The following CACNA1C variants were observed in gnomAD, a reference collection of about 807,000 sequenced individuals.
CACNA1C encodes calcium voltage-gated channel subunit alpha1 C.
A neutral mutation model predicts 229.0 loss-of-function variants in CACNA1C; 30 were observed. The ratio of observed to expected loss-of-function variants is 0.13; its 90% CI spans 0.10 to 0.18. CACNA1C has a LOEUF of 0.18. CACNA1C is among the 10% of genes least tolerant of loss of function. The pLI, the probability that CACNA1C is intolerant of heterozygous loss-of-function variation, is 1.00. For missense variants in CACNA1C, 1,658 were observed against 2,845.0 expected, an observed-to-expected ratio of 0.58 and a Z score of 9.49; for synonymous variants, 1,114 against 1,132.5, an observed-to-expected ratio of 0.98 and a Z score of 0.33.
intron 3 of CACNA1C, among the ~76,000 whole-genome samples, chr12:2,299,868 A>T (rs1269306764): frequency 6.6e-6 from 1 of 152,206 alleles, no homozygotes; most frequent in Non-Finnish European, 1.5e-5. Flanking sequence ...CATCATTTGT[A>T]AAATGAGAGC....
At chr12:2,552,356 G>C (rs939217651) in intron 10 of CACNA1C, among the ~76,000 whole-genome samples, 2 of 152,216 alleles carry the variant, frequency 1.3e-5, no homozygotes, top group Non-Finnish European at 2.9e-5. Context: ...GGAAAAGTAA[G>C]TGTAAAGTCG....
At chr12:2,045,091 T>C (rs2050831007) in intron 1 of CACNA1C, among the ~76,000 whole-genome samples, 1 of 152,162 alleles carries the variant, frequency 6.6e-6, no homozygotes, top group South Asian at 2.1e-4. Flanking sequence ...TGCCAAGAGT[T>C]ATATTAGTAG....
chr12:2,128,751 A>G (rs1444700421), intron 3 of CACNA1C, among the ~76,000 whole-genome samples: 1 of 152,212 alleles, frequency 6.6e-6, no homozygotes, highest in African/African-American at 2.4e-5. Context: ...AGCCTCTAAC[A>G]CAACAGCAAC....
intron 5 of CACNA1C, among the ~76,000 whole-genome samples, chr12:2,463,759 G>T (rs2099531625): frequency 6.6e-6 from 1 of 152,170 alleles, no homozygotes; most frequent in South Asian, 2.1e-4. Flanking sequence ...AATCAGATTG[G>T]CTCTTCCAAT....
At chr12:2,620,776 C>T (rs1344217678) in intron 29 of CACNA1C, among the ~76,000 whole-genome samples, 2 of 152,208 alleles carry the variant, frequency 1.3e-5, no homozygotes, top group Admixed American at 6.5e-5. Flanking sequence ...GGAAGACTTA[C>T]ACATTGGGGA....
rs911627263 is a variant in CACNA1C at position 2,403,767 on chromosome 12, CAG to C, written c.478-45208_478-45207del. ...CCAGGTAGACGTCTGCCACATCACTCAGGGGCTGCGTGGAGCACTCGGTGCCT... is the reference window on the plus strand; with the variant it reads ...CCAGGTAGACGTCTGCCACATCACTCGGGCTGCGTGGAGCACTCGGTGCCT... On this transcript the variant is annotated intron_variant, in intron 3 of 46. Coordinates refer to ENST00000399655, the MANE Select transcript of CACNA1C (RefSeq NM_000719.7). This position sits in a 1 kb window ranked among gnomAD's most constrained non-coding sequence, Gnocchi z 4.1. Among the ~76,000 whole-genome samples, 2 of 152,178 alleles carry C rather than the reference CAG, an allele frequency of 1.3e-5. No homozygotes were observed. Among genetic ancestry groups the C allele is most frequent in the Admixed American group, 6.5e-5 (1 of 15,286 alleles).
intron 3 of CACNA1C, among the ~76,000 whole-genome samples, chr12:2,204,971 C>CAA (rs1001449430): frequency 7.4e-5 from 11 of 148,522 alleles, no homozygotes; most frequent in Admixed American, 2.7e-4. Context: ...AAAACAAAAA[C>CAA]AAAAAAAAAA....
chr12:2,206,419 T>C (rs551962913), intron 3 of CACNA1C, among the ~76,000 whole-genome samples: 2 of 152,310 alleles, frequency 1.3e-5, no homozygotes, highest in Admixed American at 1.3e-4. Context: ...AGCTTGGGCT[T>C]TGGAATGGAA....
chr12:2,483,811 C>T (rs966771141), intron 5 of CACNA1C, among the ~76,000 whole-genome samples: 4 of 152,144 alleles, frequency 2.6e-5, no homozygotes, highest in Non-Finnish European at 5.9e-5. Context: ...TGCTTTCACT[C>T]CACTTGGCCT....
chr12:2,261,297 T>G (rs2080110253), intron 3 of CACNA1C, among the ~76,000 whole-genome samples: 1 of 152,152 alleles, frequency 6.6e-6, no homozygotes, highest in East Asian at 1.9e-4. Flanking sequence ...ATATTGTTTC[T>G]GAAAAATAAT....
At chr12:2,364,287 A>G (rs1011240305) in intron 3 of CACNA1C, among the ~76,000 whole-genome samples, 1 of 152,184 alleles carries the variant, frequency 6.6e-6, no homozygotes, top group African/African-American at 2.4e-5. Context: ...GGAAAATGCA[A>G]TTTTTACAGG....
chr12:2,149,373 C>T (rs1042791607), intron 3 of CACNA1C, among the ~76,000 whole-genome samples: 1 of 152,114 alleles, frequency 6.6e-6, no homozygotes, highest in African/African-American at 2.4e-5. Flanking sequence ...GGAAATGTCA[C>T]GGTCTTTTCT....
intron 29 of CACNA1C, among the ~76,000 whole-genome samples, chr12:2,624,920 C>T (rs555864855): frequency 1.3e-5 from 2 of 152,246 alleles, no homozygotes; most frequent in Non-Finnish European, 2.9e-5. Flanking sequence ...AATGCGGCAA[C>T]TCTTGCCCCA....
chr12:2,391,150 G>C (rs1041912944), intron 3 of CACNA1C, among the ~76,000 whole-genome samples: 19 of 152,280 alleles, frequency 1.2e-4, no homozygotes, highest in Non-Finnish European at 1.5e-4. Flanking sequence ...AAGAAGATGG[G>C]GTTTCCCTTC....
chr12:2,297,678 AG>A (rs1197018830), intron 3 of CACNA1C, among the ~76,000 whole-genome samples: 1 of 152,198 alleles, frequency 6.6e-6, no homozygotes, highest in African/African-American at 2.4e-5. Context: ...GTGAGAATCT[AG>A]GGTCCTCTTT....
chr12:2,523,040 C>T (rs549608009), intron 9 of CACNA1C, among the ~76,000 whole-genome samples: 3 of 151,294 alleles, frequency 2.0e-5, no homozygotes, highest in East Asian at 1.9e-4. Context: ...GTCCCCCAGC[C>T]GGAACAGCCT....
intron 3 of CACNA1C, among the ~76,000 whole-genome samples, chr12:2,405,299 A>G (rs901179378): frequency 1.3e-5 from 2 of 152,208 alleles, no homozygotes; most frequent in Non-Finnish European, 2.9e-5. Flanking sequence ...AACAACGTGC[A>G]TGTATAGTTC....
chr12:2,496,639 A>G (rs1451493273), intron 7 of CACNA1C, among the ~76,000 whole-genome samples: 1 of 152,234 alleles, frequency 6.6e-6, no homozygotes, highest in African/African-American at 2.4e-5. Context: ...GTGGACTAAA[A>G]ATAAAATCAG....
chr12:2,017,666 T>TTC (rs1358283230), intron 1 of CACNA1C, among the ~76,000 whole-genome samples: 3 of 151,794 alleles, frequency 2.0e-5, no homozygotes, highest in African/African-American at 7.3e-5. Context: ...TTCTGTTTTT[T>TTC]TTTTTTCTGA....
Sources: allele counts gnomAD v4.1 joint callset (sites outside exome capture counted in the v4.1 genomes callset), GRCh38; gene constraint gnomAD v4.1.1; non-coding constraint Gnocchi (gnomAD v3.1); transcripts MANE v1.5; gene names NCBI Gene and HGNC (gene_info 2026-07-23, HGNC 2026-07-21).